BCL11A: variants seen among roughly 807,000 people sequenced by gnomAD.
BCL11A encodes the protein B cell CLL/lymphoma 11A.
BCL11A carries 2 observed loss-of-function variants against 55.9 expected under a neutral mutation model. The observed-to-expected ratio is 0.04, with a 90% CI of 0.01 to 0.11. BCL11A has a LOEUF of 0.11. BCL11A is among the 10% of genes least tolerant of loss of function. BCL11A has a pLI of 1.00. For synonymous variants in BCL11A, 465 were observed against 473.4 expected (o/e 0.98, Z 0.23); for missense variants, 817 against 1,137.1 (o/e 0.72, Z 4.05).
intron 2 of BCL11A, among the ~76,000 whole-genome samples, chr2:60,531,169 A>G (rs71526482): frequency 0.03 from 4,539 of 152,072 alleles, 80 homozygotes; most frequent in Non-Finnish European, 0.041. Flanking sequence ...GAGAAAAAAA[A>G]AAAAAGAGCT....
intron 2 of BCL11A, among the ~76,000 whole-genome samples, chr2:60,469,547 A>G (rs1677083538): frequency 6.6e-6 from 1 of 152,194 alleles, no homozygotes. Context: ...ATTAAATGAC[A>G]AGGAAAGAAC....
chr2:60,539,729 T>C (rs1669835257), intron 2 of BCL11A, among the ~76,000 whole-genome samples: 1 of 152,240 alleles, frequency 6.6e-6, no homozygotes, highest in Non-Finnish European at 1.5e-5. Context: ...TAAAGAATTC[T>C]TATTTGTCAG....
At chr2:60,494,787 C>T (rs1678850852) in intron 2 of BCL11A, among the ~76,000 whole-genome samples, 1 of 152,184 alleles carries the variant, frequency 6.6e-6, no homozygotes, top group South Asian at 2.1e-4. Flanking sequence ...TAAAATGCTG[C>T]CTCCTGGTAT....
intron 2 of BCL11A, among the ~76,000 whole-genome samples, chr2:60,474,266 T>G (rs193114650): frequency 2.0e-5 from 3 of 152,226 alleles, no homozygotes; most frequent in African/African-American, 7.2e-5. Flanking sequence ...TAAACAAAAT[T>G]TTTCTGCAAG....
At chr2:60,551,769 C>T (rs1351291877) in intron 1 of BCL11A, among the ~76,000 whole-genome samples, 1 of 150,894 alleles carries the variant, frequency 6.6e-6, no homozygotes, top group East Asian at 1.9e-4. Context: ...CCGTGCCTGG[C>T]GGGTGGGCGC....
intron 2 of BCL11A, among the ~76,000 whole-genome samples, chr2:60,539,778 A>G (rs1423578957): frequency 6.6e-6 from 1 of 152,164 alleles, no homozygotes; most frequent in African/African-American, 2.4e-5. Flanking sequence ...ACAGAAAATG[A>G]CTCCAGTAGC....
chr2:60,487,172 T>C (rs1246893940), intron 2 of BCL11A, among the ~76,000 whole-genome samples: 2 of 152,240 alleles, frequency 1.3e-5, no homozygotes, highest in African/African-American at 4.8e-5. Flanking sequence ...TGTAATGATC[T>C]AGTTAATGTA....
At chr2:60,551,827 C>G (rs758818639) in intron 1 of BCL11A, among the ~76,000 whole-genome samples, 2 of 150,300 alleles carry the variant, frequency 1.3e-5, no homozygotes, top group Non-Finnish European at 3.0e-5. Context: ...GCGGCGAGGT[C>G]GGGCAAGGCC....
chr2:60,475,911 A>T lies in BCL11A; in HGVS notation c.386-7078T>A, dbSNP rs7606422. 2.8e-3 allele frequency among the ~76,000 whole-genome samples: 424 copies of T among 152,300 alleles called. 2 individuals carry two copies. The highest frequency in any genetic ancestry group is 9.7e-3 in the African/African-American group (403 of 41,552). On this transcript the variant is annotated intron_variant, in intron 2 of 3. Coordinates refer to ENST00000642384, the MANE Select transcript of BCL11A (RefSeq NM_022893.4). ...CTGCTAGAGGAAAGTCAGGAACCTA[A>T]GTTCTGCAACCCCAACTCTGCCACT...
chr2:60,541,730 G>A (rs1669934344), intron 2 of BCL11A: 2 of 519,026 alleles, frequency 3.9e-6, no homozygotes, highest in Admixed American at 4.0e-5. Flanking sequence ...CCAGTATATT[G>A]TTTTTTGTGG....
chr2:60,472,083 C>T (rs1677236323), intron 2 of BCL11A, among the ~76,000 whole-genome samples: 1 of 152,168 alleles, frequency 6.6e-6, no homozygotes, highest in South Asian at 2.1e-4. Flanking sequence ...CAGTCAAAAA[C>T]AAATTAAGCT....
intron 3 of BCL11A, among the ~76,000 whole-genome samples, chr2:60,467,636 GTGGTGATGGTGGTGATGA>G: frequency 1.2e-5 from 1 of 86,814 alleles, no homozygotes; most frequent in Non-Finnish European, 2.5e-5. Flanking sequence ...AATGGTGGTG[GTGGTGATGGTGGTGATGA>G]TGGTGATGGT....
At chr2:60,507,166 T>C (rs2104448778) in intron 2 of BCL11A, among the ~76,000 whole-genome samples, 1 of 148,922 alleles carries the variant, frequency 6.7e-6, no homozygotes, top group South Asian at 2.2e-4. Context: ...AAGGATTAAA[T>C]GCTCTTCTAG....
At chr2:60,531,284 C>T (rs1669446570) in intron 2 of BCL11A, among the ~76,000 whole-genome samples, 1 of 152,194 alleles carries the variant, frequency 6.6e-6, no homozygotes, top group Non-Finnish European at 1.5e-5. Context: ...ATCTTTTCGA[C>T]CCTCTCACAC....
chr2:60,474,195 A>C (rs905331082), intron 2 of BCL11A, among the ~76,000 whole-genome samples: 2 of 152,246 alleles, frequency 1.3e-5, no homozygotes, highest in Non-Finnish European at 2.9e-5. Flanking sequence ...GGGAGGAAGT[A>C]GAGATGACAT....
chr2:60,547,298 A>G (rs901143992), intron 1 of BCL11A, among the ~76,000 whole-genome samples: 2 of 152,226 alleles, frequency 1.3e-5, no homozygotes, highest in Non-Finnish European at 2.9e-5. Context: ...ATGAGCTCCA[A>G]AATGCTTCAT....
intron 2 of BCL11A, among the ~76,000 whole-genome samples, chr2:60,489,898 A>C (rs1473146167): frequency 6.6e-6 from 1 of 152,190 alleles, no homozygotes; most frequent in African/African-American, 2.4e-5. Flanking sequence ...GTCACATATC[A>C]TCAAAATGAT....
intron 2 of BCL11A, among the ~76,000 whole-genome samples, chr2:60,540,071 G>C (rs377491824): frequency 4.6e-4 from 70 of 152,220 alleles, no homozygotes; most frequent in African/African-American, 1.7e-3. Context: ...CATCCAAATT[G>C]ATACATAACA....
At chr2:60,451,496 A>C (rs916506448) in exon 5 of BCL11A, 58 of 231,208 alleles carry the variant, frequency 2.5e-4, no homozygotes, top group African/African-American at 1.2e-3. Context: ...TGTGGCACTA[A>C]TTTCTAAGGA....
Sources: gnomAD v4.1 joint callset for allele counts (sites outside exome capture counted in the v4.1 genomes callset) on GRCh38, gnomAD v4.1.1 for gene constraint, MANE v1.5 for transcripts, NCBI Gene and HGNC (gene_info 2026-07-23, HGNC 2026-07-21) for gene names.